RLIM: variants seen among roughly 807,000 people sequenced by gnomAD.
RLIM encodes the protein E3 ubiquitin-protein ligase RLIM.
In RLIM, 2 loss-of-function variants were observed where a neutral mutation model predicts 34.0. The ratio of observed to expected loss-of-function variants is 0.06; its 90% CI spans 0.02 to 0.19. RLIM has a LOEUF of 0.19. RLIM is among the 10% of genes least tolerant of loss of function. RLIM has a pLI of 1.00. For missense variants in RLIM, 286 were observed against 479.7 expected (o/e 0.60, Z 3.77); for synonymous variants, 169 against 164.0 (o/e 1.03, Z -0.23).
At chrX:74,603,876 G>C (rs1024743063) in intron 1 of RLIM, among the ~76,000 whole-genome samples, 2 of 111,098 alleles carry the variant, frequency 1.8e-5, no homozygotes, top group African/African-American at 6.5e-5. Context: ...TTGGGAGGCC[G>C]AGGTGGGCGG....
At chrX:74,598,988 TC>T (rs762955257) in intron 1 of RLIM, among the ~76,000 whole-genome samples, 7 of 111,359 alleles carry the variant, frequency 6.3e-5, no homozygotes, top group Admixed American at 4.8e-4. Flanking sequence ...AATGTTACCC[TC>T]AAAAGAGTAT....
rs1414424140 is a variant in RLIM, at chrX:74,584,827, T to C, written c.*6613A>G. 2.7e-5 allele frequency among the ~76,000 whole-genome samples: 3 copies of C among 112,023 alleles called. No individual in the cohort carries two copies. Among genetic ancestry groups the C allele is most frequent in the African/African-American group, 9.7e-5 (3 of 30,801 alleles). On this transcript the variant is annotated 3_prime_UTR_variant, in exon 4 of 4. Coordinates refer to ENST00000332687, the MANE Select transcript of RLIM (RefSeq NM_016120.4). ...GAGCACTAACTTTTTGATGGTGGTA[T>C]TGAGTTTCAAATAATAAAATCATGA...
chrX:74,611,609 G>A (rs1392510599), intron 1 of RLIM, among the ~76,000 whole-genome samples: 1 of 111,986 alleles, frequency 8.9e-6, no homozygotes, highest in Non-Finnish European at 1.9e-5. Flanking sequence ...AGACGAAAAG[G>A]GGGGATTGCT....
At chrX:74,600,327 G>T (rs1320753751) in intron 1 of RLIM, among the ~76,000 whole-genome samples, 1 of 110,358 alleles carries the variant, frequency 9.1e-6, no homozygotes, top group Non-Finnish European at 1.9e-5. Flanking sequence ...ACCCTGAAAA[G>T]GAAGCCAAGT....
chrX:74,613,550 G>A (rs1207491789), intron 1 of RLIM, among the ~76,000 whole-genome samples: 1 of 109,653 alleles, frequency 9.1e-6, no homozygotes, highest in Non-Finnish European at 1.9e-5. Flanking sequence ...CGAGTATTCA[G>A]GAAGCAGAAG....
intron 1 of RLIM, among the ~76,000 whole-genome samples, chrX:74,610,678 T>C (rs1208398831): frequency 9.1e-6 from 1 of 109,510 alleles, no homozygotes; most frequent in African/African-American, 3.3e-5. Flanking sequence ...GATCACAAGG[T>C]CAGGAGTTCG....
intron 2 of RLIM, among the ~76,000 whole-genome samples, chrX:74,595,367 G>A (rs1487305880): frequency 8.9e-6 from 1 of 112,128 alleles, no homozygotes; most frequent in Non-Finnish European, 1.9e-5. Context: ...TGGGGTAAAA[G>A]ATAATTAAGC....
chrX:74,613,264 A>G (rs2079719576), intron 1 of RLIM, among the ~76,000 whole-genome samples: 1 of 111,250 alleles, frequency 9.0e-6, no homozygotes, highest in African/African-American at 3.3e-5. Context: ...CCCCCTTTCA[A>G]TCAGTCCAAA....
chrX:74,591,734 G>A lies in RLIM; in HGVS notation c.1581C>T (p.Pro527=), dbSNP rs1449043225. ...PVTFDESGSL[P]FLSLAQFFLL... ...GGAAAAACTGAGCCAGGCTAAGGAA[G>A]GGCAAAGAGCCACTTTCATCAAATG... The change falls in exon 4 of 4, where the codon CCC becomes CCT. Residue 527 remains proline (P), a synonymous_variant. Coordinates refer to ENST00000332687, the MANE Select transcript of RLIM (RefSeq NM_016120.4). The A allele has an allele frequency of 5.0e-6, 6 of 1,210,056 alleles. No individual in the cohort carries two copies. The Admixed American group carries it at 1.1e-4, about 22-fold the overall frequency.
chrX:74,589,240 C>A lies in RLIM; in HGVS notation c.*2200G>T, dbSNP rs917737267. The A allele has an allele frequency of 1.8e-5, 2 of 111,064 alleles. No individual in the cohort carries two copies. Among genetic ancestry groups the A allele is most frequent in the Non-Finnish European group, 3.8e-5 (2 of 53,032 alleles). 9.2% of individuals were successfully genotyped at this position (111,064 alleles called of 1,213,427 possible). ...GTTTTTAAACTATTTAAAATGAACA[C>A]CCCTATAATAATGAAACACTTTATG... On this transcript the variant is annotated 3_prime_UTR_variant, in exon 4 of 4. Coordinates refer to ENST00000332687, the MANE Select transcript of RLIM (RefSeq NM_016120.4).
rs1157825770 is a variant in RLIM, at chrX:74,584,024, G to A, written c.*7416C>T. ...CGCACCATTGCACTCCAGCCTGGGC[G>A]ACAGGGCGAGAATCCATCTCAAACA... is the stretch of plus-strand genomic sequence containing the variant. On this transcript the variant is annotated 3_prime_UTR_variant, in exon 4 of 4. Transcript: ENST00000332687. Among the ~76,000 whole-genome samples, 1 of 111,668 alleles carries A rather than the reference G, an allele frequency of 9.0e-6. No homozygotes were observed. The highest frequency in any genetic ancestry group is 1.9e-5 in the Non-Finnish European group (1 of 53,167).
At chrX:74,602,031 G>T (rs776065494) in intron 1 of RLIM, among the ~76,000 whole-genome samples, 12 of 111,863 alleles carry the variant, frequency 1.1e-4, no homozygotes, top group Non-Finnish European at 1.9e-4. Flanking sequence ...GTAAACTTTA[G>T]CATTTTTAAA....
Position 74,588,253 on chromosome X carries a change from T to C in RLIM, c.*3187A>G, listed in dbSNP as rs2079596405. The C allele has an allele frequency of 9.0e-6, 1 of 111,537 alleles. No homozygotes were observed. The highest frequency in any genetic ancestry group is 1.9e-5 in the Non-Finnish European group (1 of 53,185). The allele number at this position is 111,537 out of a possible 1,213,427, so 9.2% of individuals were successfully genotyped here. Reference sequence around the variant, plus strand: ...CGGAGGCCGAGGCAGGCACATCACTTGAGGTCAGGAGTTCAAGACCAGCCT... The same window carrying C: ...CGGAGGCCGAGGCAGGCACATCACTCGAGGTCAGGAGTTCAAGACCAGCCT... On this transcript the variant is annotated 3_prime_UTR_variant, in exon 4 of 4. Coordinates refer to ENST00000332687, the MANE Select transcript of RLIM (RefSeq NM_016120.4).
intron 1 of RLIM, among the ~76,000 whole-genome samples, chrX:74,607,663 C>T (rs1425360334): frequency 2.7e-5 from 3 of 112,485 alleles, no homozygotes; most frequent in Admixed American, 1.9e-4. Context: ...GAGCAGAGAT[C>T]GTGCCATTGC....
At chrX:74,599,180 A>T (rs2079651532) in intron 1 of RLIM, among the ~76,000 whole-genome samples, 1 of 112,030 alleles carries the variant, frequency 8.9e-6, no homozygotes, top group Admixed American at 9.5e-5. Flanking sequence ...CTTTTAAAGA[A>T]AAAGGATGCC....
chrX:74,607,499 C>CT (rs1334319870), intron 1 of RLIM, among the ~76,000 whole-genome samples: 1 of 112,980 alleles, frequency 8.9e-6, no homozygotes, highest in African/African-American at 3.2e-5. Context: ...CACCTGAGGT[C>CT]AGGAGTTCAA....
At position 74,584,220 on chromosome X, in the gene RLIM, A is replaced by G. The variant is rs1931290114; in HGVS notation, c.*7220T>C. Among the ~76,000 whole-genome samples the G allele has an allele frequency of 9.0e-6, 1 of 111,558 alleles. No individual in the cohort carries two copies. Among genetic ancestry groups the G allele is most frequent in the African/African-American group, 3.3e-5 (1 of 30,688 alleles). On this transcript the variant is annotated 3_prime_UTR_variant, in exon 4 of 4. Transcript: ENST00000332687. ...TAGTAGTGGGATTAAGAGCACAAGGAAGATGACTGCATCAAAGATGATTGC... is the reference window on the plus strand; with the variant it reads ...TAGTAGTGGGATTAAGAGCACAAGGGAGATGACTGCATCAAAGATGATTGC...
At chrX:74,595,599 C>T (rs1003907654) in intron 2 of RLIM, among the ~76,000 whole-genome samples, 1 of 111,894 alleles carries the variant, frequency 8.9e-6, no homozygotes, top group Admixed American at 9.5e-5. Context: ...ATTCATAATT[C>T]ATAAGTTAAA....
intron 1 of RLIM, among the ~76,000 whole-genome samples, chrX:74,606,962 C>T (rs968842336): frequency 1.8e-5 from 2 of 110,004 alleles, no homozygotes; most frequent in African/African-American, 3.3e-5. Context: ...ATGGTGAAAC[C>T]GTTTCTACCA....
Sources: gnomAD v4.1 joint callset for allele counts (sites outside exome capture counted in the v4.1 genomes callset) on GRCh38, gnomAD v4.1.1 for gene constraint, MANE v1.5 for transcripts, NCBI Gene and HGNC (gene_info 2026-07-23, HGNC 2026-07-21) for gene names.